The following MTMR8 variants were observed in gnomAD, a reference collection of about 807,000 sequenced individuals.
MTMR8 encodes myotubularin related protein 8, also known as phosphatidylinositol-3,5-bisphosphate 3-phosphatase MTMR8.
A neutral mutation model predicts 39.3 loss-of-function variants in MTMR8; 65 were observed. That is an observed-to-expected ratio of 1.65 (90% CI 1.35 to 2.03). The LOEUF is 2.03. MTMR8 is among the 30% of genes most tolerant of loss of function. MTMR8 has a pLI of 0.00. For missense variants in MTMR8, 777 were observed against 538.9 expected (o/e 1.44, Z -4.37); for synonymous variants, 245 against 185.2 (o/e 1.32, Z -2.62).
chrX:64,307,008 G>A (rs1922141970), intron 12 of MTMR8, among the ~76,000 whole-genome samples: 1 of 112,204 alleles, frequency 8.9e-6, no homozygotes. Flanking sequence ...TGCATGCTGA[G>A]AGTGAGATGG....
chrX:64,394,304 A>G (rs1602163776), intron 1 of MTMR8, among the ~76,000 whole-genome samples: 1 of 111,983 alleles, frequency 8.9e-6, no homozygotes, highest in Admixed American at 9.5e-5. Context: ...GTGGGGACAC[A>G]GAGAAAAACC....
chrX:64,291,938 C>T, intron 12 of MTMR8, among the ~76,000 whole-genome samples: 1 of 111,474 alleles, frequency 9.0e-6, no homozygotes, highest in South Asian at 3.8e-4. Context: ...CTGGATCTCC[C>T]ACTAGAAAGG....
At chrX:64,302,009 C>T (rs1212948324) in intron 12 of MTMR8, among the ~76,000 whole-genome samples, 7 of 112,479 alleles carry the variant, frequency 6.2e-5, no homozygotes, top group Non-Finnish European at 5.6e-5. Context: ...GAGGTTACTG[C>T]TGTCTTTTTG....
intron 12 of MTMR8, among the ~76,000 whole-genome samples, chrX:64,316,429 T>A (rs918555606): frequency 8.9e-6 from 1 of 111,892 alleles, no homozygotes; most frequent in African/African-American, 3.3e-5. Context: ...GGCAAATCAC[T>A]TAAGCTCAGG....
chrX:64,315,442 C>T (rs1036097528), intron 12 of MTMR8, among the ~76,000 whole-genome samples: 3 of 111,955 alleles, frequency 2.7e-5, no homozygotes, highest in Admixed American at 1.9e-4. Context: ...TCTAGGAGTG[C>T]ACTAGTTGTC....
intron 6 of MTMR8, among the ~76,000 whole-genome samples, chrX:64,345,557 T>C (rs1048967547): frequency 1.8e-5 from 2 of 111,992 alleles, no homozygotes; most frequent in African/African-American, 6.5e-5. Context: ...AGTTCAAAAA[T>C]ATTTACAACT....
intron 12 of MTMR8, among the ~76,000 whole-genome samples, chrX:64,275,217 TTTATAGTGATAAA>T (rs1231684036): frequency 4.7e-4 from 52 of 110,617 alleles, no homozygotes; most frequent in African/African-American, 1.5e-3. Context: ...AAAAGAGAAA[TTTATAGTGATAAA>T]TTATAGTGAT....
intron 1 of MTMR8, among the ~76,000 whole-genome samples, chrX:64,374,341 T>C (rs751793878): frequency 2.9e-4 from 33 of 112,081 alleles, no homozygotes; most frequent in African/African-American, 1.1e-3. Flanking sequence ...GTATCTACTA[T>C]TTTCAGACTA....
intron 12 of MTMR8, among the ~76,000 whole-genome samples, chrX:64,282,571 A>T (rs752451718): frequency 8.9e-6 from 1 of 111,908 alleles, no homozygotes; most frequent in South Asian, 3.7e-4. Context: ...CATAAACAAA[A>T]ATTAACTCAA....
At chrX:64,336,160 T>C in intron 9 of MTMR8, 32 bp from the exon 10 acceptor site, 1 of 1,074,254 alleles carries the variant, frequency 9.3e-7, no homozygotes, top group Non-Finnish European at 1.3e-6. Flanking sequence ...GTGTTTGCAT[T>C]AGGAAAATCA....
chrX:64,295,866 T>A (rs897875388), intron 12 of MTMR8, among the ~76,000 whole-genome samples: 2 of 111,973 alleles, frequency 1.8e-5, no homozygotes, highest in African/African-American at 6.5e-5. Flanking sequence ...GATGGGAATG[T>A]AAAATGGCAC....
intron 1 of MTMR8, among the ~76,000 whole-genome samples, chrX:64,374,323 A>T (rs1924206006): frequency 8.9e-6 from 1 of 111,866 alleles, no homozygotes; most frequent in African/African-American, 3.3e-5. Context: ...TTAATTCAAG[A>T]TTCTGTAGTA....
chrX:64,270,699 A>G (rs1242716938), intron 13 of MTMR8, among the ~76,000 whole-genome samples: 1 of 111,583 alleles, frequency 9.0e-6, no homozygotes. Context: ...TATTCATTCC[A>G]TCCAGATCCA....
intron 1 of MTMR8, among the ~76,000 whole-genome samples, chrX:64,384,367 G>A (rs1310465006): frequency 2.7e-5 from 3 of 111,264 alleles, no homozygotes; most frequent in Admixed American, 9.5e-5. Context: ...AGAGGGTGGT[G>A]GCCTCCTTCT....
chrX:64,341,352 T>G (rs1191613752), intron 8 of MTMR8, among the ~76,000 whole-genome samples: 1 of 109,061 alleles, frequency 9.2e-6, no homozygotes, highest in East Asian at 2.9e-4. Context: ...GGTGGCATGC[T>G]CCTATAATCT....
At chrX:64,301,553 A>G (rs377664590) in intron 12 of MTMR8, among the ~76,000 whole-genome samples, 6 of 111,406 alleles carry the variant, frequency 5.4e-5, no homozygotes, top group South Asian at 3.8e-4. Context: ...TAATTTGATC[A>G]TCTGAAGCCT....
At position 64,268,494 on chromosome X, in the gene MTMR8, T is replaced by C. The variant is rs1056908384; in HGVS notation, c.*43A>G. The stretch of plus-strand genomic sequence containing the variant: ...GCCCTCTCTGGGACAAGAATCATTG[T>C]AGCTGCTGTAGGTATACCTAGCATG... On this transcript the variant is annotated 3_prime_UTR_variant, in exon 14 of 14. Coordinates refer to ENST00000374852, the MANE Select transcript of MTMR8 (RefSeq NM_017677.4). The C allele has an allele frequency of 1.7e-6, 2 of 1,155,550 alleles. No individual in the cohort carries two copies. Among genetic ancestry groups the C allele is most frequent in the Non-Finnish European group, 2.3e-6 (2 of 868,803 alleles).
At chrX:64,317,634 C>T (rs1922508498) in intron 12 of MTMR8, among the ~76,000 whole-genome samples, 1 of 112,035 alleles carries the variant, frequency 8.9e-6, no homozygotes, top group Admixed American at 9.5e-5. Flanking sequence ...ATGATGGCAT[C>T]CATTGACTGC....
At chrX:64,292,577 T>G (rs1435082386) in intron 12 of MTMR8, among the ~76,000 whole-genome samples, 1 of 110,592 alleles carries the variant, frequency 9.0e-6, no homozygotes, top group African/African-American at 3.3e-5. Context: ...TGCTAGGGAC[T>G]AGGATCATTT....
Sources: gnomAD v4.1 joint callset for allele counts (sites outside exome capture counted in the v4.1 genomes callset) on GRCh38, gnomAD v4.1.1 for gene constraint, MANE v1.5 for transcripts, NCBI Gene and HGNC (gene_info 2026-07-23, HGNC 2026-07-21) for gene names.